GPR149: variants seen among roughly 807,000 people sequenced by gnomAD.
GPR149 encodes probable G protein-coupled receptor 149.
A neutral mutation model predicts 50.2 loss-of-function variants in GPR149; 50 were observed. That is an observed-to-expected ratio of 1.00 (90% CI 0.79 to 1.26). The LOEUF (loss-of-function observed/expected upper bound fraction) is 1.26, where lower values mean the gene tolerates loss of function less well. Ranked by LOEUF, GPR149 falls within the 50% of genes most tolerant of loss-of-function variation. The pLI, the probability that GPR149 is intolerant of heterozygous loss-of-function variation, is 0.00. For synonymous variants in GPR149, 405 were observed against 358.2 expected (o/e 1.13, Z -1.48); for missense variants, 983 against 895.4 (o/e 1.10, Z -1.25).
chr3:154,344,385 C>T (rs1713875184), intron 3 of GPR149, among the ~76,000 whole-genome samples: 1 of 152,168 alleles, frequency 6.6e-6, no homozygotes, highest in Non-Finnish European at 1.5e-5. Flanking sequence ...AGTATCTTAA[C>T]AGAAAATGAA....
intron 2 of GPR149, 150 bp from the exon 3 acceptor site, chr3:154,421,637 A>C (rs920181893): frequency 1.2e-5 from 6 of 494,048 alleles, no homozygotes; most frequent in Non-Finnish European, 1.7e-5. Context: ...AGTTATGCAA[A>C]GAAATTATGC....
chr3:154,340,046 C>T (rs1276710059), intron 3 of GPR149, among the ~76,000 whole-genome samples: 1 of 152,080 alleles, frequency 6.6e-6, no homozygotes, highest in Non-Finnish European at 1.5e-5. Flanking sequence ...CCCGCCTCGG[C>T]CTCCCAATGT....
intron 3 of GPR149, among the ~76,000 whole-genome samples, chr3:154,393,020 C>G (rs181805840): frequency 2.0e-3 from 310 of 152,062 alleles, no homozygotes; most frequent in African/African-American, 7.2e-3. Context: ...CGAATTAATG[C>G]CAATTCTTCT....
At chr3:154,383,083 A>G (rs1356476582) in intron 3 of GPR149, among the ~76,000 whole-genome samples, 4 of 152,154 alleles carry the variant, frequency 2.6e-5, no homozygotes, top group African/African-American at 9.7e-5. Flanking sequence ...GCCTGCAGGA[A>G]AAGGGGTGCT....
In GPR149 at chr3:154,336,441, T is replaced by C. The variant is rs947877257; in HGVS notation, c.*1258A>G. ...GTCTAAGACTATGTAAAGTGTCAAC[T>C]CAGTAACTTTGGAAAATAAACTTTT... On this transcript the variant is annotated 3_prime_UTR_variant, in exon 4 of 4. Coordinates refer to ENST00000389740, the MANE Select transcript of GPR149 (RefSeq NM_001038705.3). 2 of 152,114 alleles carry C rather than the reference T, an allele frequency of 1.3e-5. No individual in the cohort carries two copies. Among genetic ancestry groups the C allele is most frequent in the African/African-American group, 4.8e-5 (2 of 41,442 alleles). The allele number at this position is 152,114 out of a possible 1,614,324, so 9.4% of individuals were successfully genotyped here. A position where few individuals can be genotyped will look rare whatever the true frequency, so the allele number is the denominator to read the frequency against.
intron 3 of GPR149, chr3:154,352,362 T>C: frequency 8.9e-7 from 1 of 1,118,360 alleles, no homozygotes; most frequent in Non-Finnish European, 1.3e-6. Flanking sequence ...TTCTTCAATT[T>C]CAGGTAATTT....
chr3:154,386,960 G>C (rs911097891), intron 3 of GPR149, among the ~76,000 whole-genome samples: 14 of 116,582 alleles, frequency 1.2e-4, no homozygotes, highest in African/African-American at 3.9e-4. Context: ...AGGAGCTAAA[G>C]TATATTTTTC....
intron 3 of GPR149, among the ~76,000 whole-genome samples, chr3:154,417,851 G>C (rs1203233249): frequency 2.0e-5 from 3 of 152,042 alleles, no homozygotes; most frequent in African/African-American, 7.2e-5. Context: ...CTTAGGAAAA[G>C]TCCTCATAAG....
At chr3:154,397,687 A>G (rs1715325469) in intron 3 of GPR149, among the ~76,000 whole-genome samples, 2 of 152,142 alleles carry the variant, frequency 1.3e-5, no homozygotes, top group South Asian at 4.1e-4. Context: ...CATGCTATAA[A>G]TACTCCCACC....
At chr3:154,368,902 C>T (rs1714600130) in intron 3 of GPR149, among the ~76,000 whole-genome samples, 4 of 152,156 alleles carry the variant, frequency 2.6e-5, no homozygotes, top group Admixed American at 2.6e-4. Flanking sequence ...GCCTTGCCAC[C>T]CTGGAACAGG....
chr3:154,345,136 G>T (rs1713892715), intron 3 of GPR149, among the ~76,000 whole-genome samples: 1 of 152,086 alleles, frequency 6.6e-6, no homozygotes, highest in South Asian at 2.1e-4. Context: ...AAAAATATTT[G>T]TTGAATGGAC....
rs1410711252 is a variant in GPR149, at chr3:154,378,091, T to C, written c.1624-39820A>G. Reference sequence around the variant, plus strand: ...TATATTGATATATCCCCCCCCCCTTTTTTTTTTTTTGAGATGGAGTCCCCT... The same window carrying C: ...TATATTGATATATCCCCCCCCCCTTCTTTTTTTTTTGAGATGGAGTCCCCT... On this transcript the variant is annotated intron_variant, in intron 3 of 3. Coordinates refer to ENST00000389740, the MANE Select transcript of GPR149 (RefSeq NM_001038705.3). Among the ~76,000 whole-genome samples, 759 of 98,472 alleles carry C rather than the reference T, an allele frequency of 7.7e-3. 33 individuals carry two copies. In the East Asian group the frequency reaches 0.23, roughly 30 times the overall value. The allele number at this position is 98,472 out of a possible 152,430, so 64.6% of individuals were successfully genotyped here.
intron 3 of GPR149, among the ~76,000 whole-genome samples, chr3:154,409,988 C>T (rs758274089): frequency 2.1e-4 from 32 of 152,130 alleles, no homozygotes; most frequent in Non-Finnish European, 3.5e-4. Flanking sequence ...GCAAAAGCAT[C>T]AGGTAACATA....
chr3:154,356,744 T>C (rs1211867976), intron 3 of GPR149, among the ~76,000 whole-genome samples: 3 of 152,042 alleles, frequency 2.0e-5, no homozygotes, highest in Non-Finnish European at 4.4e-5. Context: ...ATTGTGAAAA[T>C]GGCCATACTG....
At position 154,428,727 on chromosome 3, in the gene GPR149, A is replaced by T; in HGVS notation, c.889T>A (p.Tyr297Asn). ...ACRRENRGTL[Y>N]GTRSFTVSVA... ...CTCACGGTGAAGCTCCTGGTGCCATAGAGAGTCCCCCGGTTCTCACGCCTG... is the reference window on the plus strand; with the variant it reads ...CTCACGGTGAAGCTCCTGGTGCCATTGAGAGTCCCCCGGTTCTCACGCCTG... The change falls in exon 1 of 4, where the codon TAT (tyrosine) becomes AAT (asparagine). Residue 297 changes from tyrosine to asparagine, a missense_variant. Coordinates refer to ENST00000389740, the MANE Select transcript of GPR149 (RefSeq NM_001038705.3). The T allele has an allele frequency of 3.7e-6, 6 of 1,614,126 alleles. No individual in the cohort carries two copies. The highest frequency in any genetic ancestry group is 5.1e-6 in the Non-Finnish European group (6 of 1,180,030).
intron 3 of GPR149, among the ~76,000 whole-genome samples, chr3:154,395,613 A>G (rs1470201399): frequency 6.6e-6 from 1 of 151,958 alleles, no homozygotes. Flanking sequence ...ACATAGTAAG[A>G]CCCTGTTTCT....
intron 2 of GPR149, 146 bp from the exon 3 acceptor site, chr3:154,421,633 G>T: frequency 2.0e-6 from 1 of 497,278 alleles, no homozygotes; most frequent in Non-Finnish European, 3.4e-6. Flanking sequence ...TGTCAGTTAT[G>T]CAAAGAAATT....
intron 3 of GPR149, among the ~76,000 whole-genome samples, chr3:154,394,191 G>A (rs1715236599): frequency 6.6e-6 from 1 of 151,960 alleles, no homozygotes; most frequent in Non-Finnish European, 1.5e-5. Flanking sequence ...TAATTTAAAC[G>A]ATATAGTACT....
intron 3 of GPR149, among the ~76,000 whole-genome samples, chr3:154,373,619 T>C (rs1714717649): frequency 6.6e-6 from 1 of 152,226 alleles, no homozygotes; most frequent in South Asian, 2.1e-4. Flanking sequence ...ATATGGTGCT[T>C]GTATATTTTA....
Sources: allele counts gnomAD v4.1 joint callset (sites outside exome capture counted in the v4.1 genomes callset), GRCh38; gene constraint gnomAD v4.1.1; transcripts MANE v1.5; gene names NCBI Gene and HGNC (gene_info 2026-07-23, HGNC 2026-07-21).